KIAA1217: variants seen among roughly 807,000 people sequenced by gnomAD.
The protein encoded by KIAA1217 is KIAA1217, also known as sickle tail protein homolog.
In KIAA1217, 88 loss-of-function variants were observed where a neutral mutation model predicts 163.9. The observed-to-expected ratio is 0.54, with a 90% CI of 0.45 to 0.64. The LOEUF is 0.64. KIAA1217 is among the 30% of genes least tolerant of loss of function. The pLI, the probability that KIAA1217 is intolerant of heterozygous loss-of-function variation, is 0.00. For missense variants in KIAA1217, 2,372 were observed against 2,475.0 expected (o/e 0.96, Z 0.88); for synonymous variants, 903 against 923.1 (o/e 0.98, Z 0.39).
chr10:23,986,331 A>T (rs1845968296), intron 1 of KIAA1217, among the ~76,000 whole-genome samples: 1 of 152,250 alleles, frequency 6.6e-6, no homozygotes. Flanking sequence ...GAATCAAATT[A>T]CAGTTGTCCC....
chr10:23,860,754 T>A (rs1353612523), intron 1 of KIAA1217, among the ~76,000 whole-genome samples: 1 of 152,144 alleles, frequency 6.6e-6, no homozygotes, highest in Non-Finnish European at 1.5e-5. Flanking sequence ...AAACATTAAA[T>A]TTTTTAAAAA....
intron 1 of KIAA1217, among the ~76,000 whole-genome samples, chr10:23,970,520 G>T (rs565392767): frequency 6.6e-6 from 1 of 152,178 alleles, no homozygotes; most frequent in African/African-American, 2.4e-5. Flanking sequence ...TGGTCAAAGG[G>T]TATAAAGTTT....
chr10:24,075,818 G>T (rs1293157616), intron 2 of KIAA1217, among the ~76,000 whole-genome samples: 1 of 152,056 alleles, frequency 6.6e-6, no homozygotes, highest in Non-Finnish European at 1.5e-5. Context: ...TGGTCAGGCT[G>T]GTCTTGAACT....
chr10:24,379,439 C>T (rs1285555992), intron 2 of KIAA1217, among the ~76,000 whole-genome samples: 1 of 152,190 alleles, frequency 6.6e-6, no homozygotes, highest in Non-Finnish European at 1.5e-5. Context: ...CATATCTTTG[C>T]TGAGTTTCCT....
chr10:23,950,793 CTGTT>C (rs1184799533), intron 1 of KIAA1217, among the ~76,000 whole-genome samples: 2 of 152,084 alleles, frequency 1.3e-5, no homozygotes. Flanking sequence ...TGTTTATTGT[CTGTT>C]TCTCTCTAGT....
At chr10:23,849,703 T>TA (rs368134730) in intron 1 of KIAA1217, among the ~76,000 whole-genome samples, 3 of 151,950 alleles carry the variant, frequency 2.0e-5, no homozygotes, top group Admixed American at 6.6e-5. Flanking sequence ...AAATAAAACT[T>TA]AAAAAAAAGA....
intron 2 of KIAA1217, among the ~76,000 whole-genome samples, chr10:24,317,304 A>G (rs75316324): frequency 0.022 from 3,297 of 152,208 alleles, 122 homozygotes; most frequent in African/African-American, 0.075. Flanking sequence ...TTTATTTTTC[A>G]GCCAGGGTCC....
chr10:24,414,138 C>T (rs949086991), intron 3 of KIAA1217, among the ~76,000 whole-genome samples: 35 of 152,166 alleles, frequency 2.3e-4, no homozygotes, highest in Non-Finnish European at 1.6e-4. Context: ...TTCTCTATTC[C>T]TAAAGAATTT....
chr10:24,503,530 G>A (rs1306788292), intron 9 of KIAA1217, among the ~76,000 whole-genome samples: 2 of 152,224 alleles, frequency 1.3e-5, no homozygotes, highest in African/African-American at 4.8e-5. Context: ...AGAGACCACA[G>A]TAAATTGGCC....
At chr10:24,180,029 C>T (rs2066094329) in intron 2 of KIAA1217, among the ~76,000 whole-genome samples, 2 of 152,162 alleles carry the variant, frequency 1.3e-5, no homozygotes, top group African/African-American at 4.8e-5. Context: ...CAAGTTATTA[C>T]AATCTTCAGT....
chr10:24,046,402 A>G (rs1413972096), intron 2 of KIAA1217, among the ~76,000 whole-genome samples: 2 of 152,188 alleles, frequency 1.3e-5, no homozygotes, highest in Non-Finnish European at 2.9e-5. Flanking sequence ...CAGAGAGTGT[A>G]TTAGTCCATT....
chr10:24,092,778 T>C (rs563042524), intron 2 of KIAA1217, among the ~76,000 whole-genome samples: 1 of 151,778 alleles, frequency 6.6e-6, no homozygotes, highest in Admixed American at 6.5e-5. Context: ...TGGGATAGCA[T>C]GGTAAAATGT....
chr10:24,282,206 A>AT (rs35881254), intron 2 of KIAA1217, among the ~76,000 whole-genome samples: 139,859 of 151,540 alleles, frequency 0.92, 64,794 homozygotes, highest in African/African-American at 0.97. Flanking sequence ...CCTCTACAAA[A>AT]TTTTTTTTTC....
At chr10:23,826,591 G>C (rs1443716358) in intron 1 of KIAA1217, among the ~76,000 whole-genome samples, 1 of 152,118 alleles carries the variant, frequency 6.6e-6, no homozygotes, top group East Asian at 1.9e-4. Flanking sequence ...AGATGCTCTT[G>C]TCCATGGTGC....
At chr10:23,798,812 C>T (rs558227430) in intron 1 of KIAA1217, among the ~76,000 whole-genome samples, 12 of 152,186 alleles carry the variant, frequency 7.9e-5, no homozygotes, top group Admixed American at 3.3e-4. Flanking sequence ...TTGGCTCAAG[C>T]GTAGAGTCCA....
At chr10:24,264,520 A>G (rs2076021305) in intron 2 of KIAA1217, among the ~76,000 whole-genome samples, 1 of 152,164 alleles carries the variant, frequency 6.6e-6, no homozygotes, top group Non-Finnish European at 1.5e-5. Context: ...GAAAAAATAC[A>G]CACACAAACA....
intron 2 of KIAA1217, among the ~76,000 whole-genome samples, chr10:24,081,674 G>A (rs2061542904): frequency 6.6e-6 from 1 of 152,070 alleles, no homozygotes; most frequent in South Asian, 2.1e-4. Context: ...ATTGTCTTGG[G>A]CCACATATAA....
chr10:24,242,809 G>C (rs2073267437), intron 2 of KIAA1217, among the ~76,000 whole-genome samples: 1 of 152,018 alleles, frequency 6.6e-6, no homozygotes, highest in Admixed American at 6.6e-5. Context: ...ATCTCATTGT[G>C]GTTTTGATTT....
chr10:24,353,806 G>A (rs1361419058), intron 2 of KIAA1217, among the ~76,000 whole-genome samples: 1 of 152,196 alleles, frequency 6.6e-6, no homozygotes, highest in African/African-American at 2.4e-5. Context: ...AGAGGGATGA[G>A]CATTACACTT....
Sources: allele counts gnomAD v4.1 joint callset (sites outside exome capture counted in the v4.1 genomes callset), GRCh38; gene constraint gnomAD v4.1.1; transcripts MANE v1.5; gene names NCBI Gene and HGNC (gene_info 2026-07-23, HGNC 2026-07-21).